Variants in KIF21A observed in about 807,000 individuals in gnomAD.
KIF21A encodes kinesin-like protein KIF21A.
KIF21A carries 114 observed loss-of-function variants against 202.9 expected under a neutral mutation model. That is an observed-to-expected ratio of 0.56 (90% CI 0.48 to 0.66). KIF21A has a LOEUF of 0.66. Ranked by LOEUF, KIF21A falls within the 30% of genes least tolerant of loss-of-function variation. The probability of loss-of-function intolerance (pLI) is 0.00; values close to 1 mark genes in which losing one functional copy is unlikely to be tolerated. For missense variants in KIF21A, 1,677 were observed against 1,994.9 expected, an observed-to-expected ratio of 0.84 and a Z score of 3.04; for synonymous variants, 667 against 670.8, an observed-to-expected ratio of 0.99 and a Z score of 0.09.
chr12:39,341,211 T>C (rs1947414184), intron 14 of KIF21A, 117 bp from the exon 15 acceptor site: 2 of 887,196 alleles, frequency 2.3e-6, no homozygotes, highest in Non-Finnish European at 3.5e-6. Context: ...TAGTAGTTAT[T>C]AGAAAAATTT....
intron 1 of KIF21A, among the ~76,000 whole-genome samples, chr12:39,416,715 G>GTATATATATGTACATATATATGTGTGTA (rs35740569): frequency 0.039 from 2,923 of 74,292 alleles, 291 homozygotes; most frequent in Middle Eastern, 0.1. Context: ...ATATATGTGT[G>GTATATATATGTACATATATATGTGTGTA]TATATATGTA....
At chr12:39,367,387 A>C (rs1241172481) in intron 4 of KIF21A, among the ~76,000 whole-genome samples, 1 of 152,196 alleles carries the variant, frequency 6.6e-6, no homozygotes, top group Non-Finnish European at 1.5e-5. Context: ...ATTGTTGGCC[A>C]TTTGCTGACA....
intron 1 of KIF21A, among the ~76,000 whole-genome samples, chr12:39,381,417 A>G (rs112511801): frequency 0.011 from 1,681 of 151,866 alleles, 22 homozygotes; most frequent in African/African-American, 0.03. Context: ...GTTTACAATC[A>G]CTCTGGGAAG....
At chr12:39,441,265 G>A (rs1435686043) in intron 1 of KIF21A, among the ~76,000 whole-genome samples, 1 of 152,062 alleles carries the variant, frequency 6.6e-6, no homozygotes, top group African/African-American at 2.4e-5. Flanking sequence ...GGCTCTACAG[G>A]CAAAGAAGCA....
chr12:39,364,105 G>A (rs1206952302), intron 6 of KIF21A, among the ~76,000 whole-genome samples: 1 of 152,132 alleles, frequency 6.6e-6, no homozygotes, highest in Non-Finnish European at 1.5e-5. Context: ...AGTCACTCCT[G>A]CCACCCTGCT....
At chr12:39,323,937 C>A (rs944077762) in intron 26 of KIF21A, among the ~76,000 whole-genome samples, 1 of 152,016 alleles carries the variant, frequency 6.6e-6, no homozygotes, top group African/African-American at 2.4e-5. Flanking sequence ...GGTGAAACCC[C>A]TTCTCTACCA....
intron 1 of KIF21A, among the ~76,000 whole-genome samples, chr12:39,390,739 G>A (rs1220157669): frequency 6.6e-6 from 1 of 152,040 alleles, no homozygotes; most frequent in Non-Finnish European, 1.5e-5. Flanking sequence ...ATGATTAATA[G>A]CACTATTGGA....
intron 10 of KIF21A, 141 bp from the exon 11 acceptor site, chr12:39,352,121 C>T: frequency 1.5e-6 from 1 of 684,816 alleles, no homozygotes; most frequent in Non-Finnish European, 2.5e-6. Context: ...GCAACCGTCA[C>T]CACCATCCAT....
chr12:39,309,578 T>C lies in KIF21A; in HGVS notation c.4277+8A>G. The stretch of plus-strand genomic sequence containing the variant: ...CTCCTTTATGCTATATGTCTTCAAG[T>C]TACTTACGTTAGTGTTCGAATGCAC... On this transcript the variant is annotated splice_region_variant and intron_variant, in intron 33 of 37. Transcript: ENST00000361418. The C allele has an allele frequency of 1.2e-6, 2 of 1,601,988 alleles. No homozygotes were observed. Among genetic ancestry groups the C allele is most frequent in the Non-Finnish European group, 1.7e-6 (2 of 1,172,836 alleles).
At chr12:39,383,344 A>C (rs1375868798) in intron 1 of KIF21A, among the ~76,000 whole-genome samples, 2 of 152,244 alleles carry the variant, frequency 1.3e-5, no homozygotes, top group Non-Finnish European at 2.9e-5. Context: ...GAGTTGTCTA[A>C]GCCACTAGCT....
chr12:39,376,067 G>C (rs1950251815), intron 1 of KIF21A, among the ~76,000 whole-genome samples: 1 of 151,892 alleles, frequency 6.6e-6, no homozygotes, highest in African/African-American at 2.4e-5. Context: ...TTACTCTTTG[G>C]CTCCCCAGAC....
intron 1 of KIF21A, among the ~76,000 whole-genome samples, chr12:39,441,676 A>ACAAAAC (rs1555208055): frequency 1.5e-5 from 2 of 137,314 alleles, no homozygotes; most frequent in African/African-American, 5.6e-5. Context: ...AAAAAAAAAA[A>ACAAAAC]AAAACACTTA....
intron 3 of KIF21A, among the ~76,000 whole-genome samples, chr12:39,368,646 T>G (rs181991739): frequency 6.6e-6 from 1 of 152,280 alleles, no homozygotes; most frequent in Admixed American, 6.5e-5. Context: ...CTGTTTCTTT[T>G]CTTTTTCCAC....
chr12:39,332,634 A>G lies in KIF21A; in HGVS notation c.2813T>C (p.Met938Thr). Residue 938 changes from methionine (M) to threonine (T), a missense_variant, in exon 20 of 38, where the codon ATG (methionine) becomes ACG (threonine). Met to Thr is a moderately conservative substitution (Grantham distance 81). Transcript: ENST00000361418. ...ATCTGCCTCCATGTTGGAAATGGTC[A>G]TCTTCTGCATGATGATGTCTGTGAC... ...RRVTDIIMQK[M>T]TISNMEADMN... is the part of the protein sequence containing the mutation. 7.4e-6 allele frequency: 12 copies of G among 1,613,966 alleles called. No homozygotes were observed. The highest frequency in any genetic ancestry group is 1.0e-5 in the Non-Finnish European group (12 of 1,179,962).
Position 39,358,204 on chromosome 12 carries a change from G to A in KIF21A, c.1189C>T (p.Gln397Ter). The A allele has an allele frequency of 6.2e-7, 1 of 1,613,994 alleles. No homozygotes were observed. Among genetic ancestry groups the A allele is most frequent in the Non-Finnish European group, 8.5e-7 (1 of 1,179,964 alleles). Residue 397 changes from glutamine to a stop codon, truncating the protein, a stop_gained, in exon 8 of 38, where the codon CAG becomes TAG. Transcript: ENST00000361418. LOFTEE classifies it high-confidence loss of function. ...NALRSEITRLQMELMEYKTGK... is the reference protein window; with the variant it reads ...NALRSEITRL ...GTTTTGTACTCCATGAGCTCCATCT[G>A]AAGTCGTGTGATTTCACTACGAAGT... is the stretch of plus-strand genomic sequence containing the variant.
intron 1 of KIF21A, among the ~76,000 whole-genome samples, chr12:39,432,920 C>A (rs1050159414): frequency 4.6e-5 from 7 of 152,028 alleles, no homozygotes; most frequent in Non-Finnish European, 8.8e-5. Flanking sequence ...CCAAGATGGA[C>A]AAATTCTTAT....
chr12:39,411,997 G>A (rs1307438378), intron 1 of KIF21A, among the ~76,000 whole-genome samples: 1 of 151,942 alleles, frequency 6.6e-6, no homozygotes, highest in African/African-American at 2.4e-5. Context: ...ACTGCACCCA[G>A]CTAATTTTTG....
intron 31 of KIF21A, chr12:39,312,368 G>T (rs926182369): frequency 1.3e-5 from 2 of 151,944 alleles, no homozygotes; most frequent in Non-Finnish European, 2.9e-5. Flanking sequence ...GGTTACCAGA[G>T]GCTAGGTAGG....
intron 3 of KIF21A, among the ~76,000 whole-genome samples, chr12:39,368,534 C>A (rs1566001840): frequency 1.3e-5 from 2 of 152,186 alleles, no homozygotes; most frequent in Admixed American, 6.5e-5. Context: ...AACCCAGATA[C>A]CTCCTTAGAA....
Sources: gnomAD v4.1 joint callset for allele counts (sites outside exome capture counted in the v4.1 genomes callset) on GRCh38, gnomAD v4.1.1 for gene constraint, MANE v1.5 for transcripts, NCBI Gene and HGNC (gene_info 2026-07-23, HGNC 2026-07-21) for gene names.